NAF1: variants seen among roughly 807,000 people sequenced by gnomAD.
The protein encoded by NAF1 is H/ACA ribonucleoprotein complex non-core subunit NAF1.
Under a neutral mutation model 40.6 loss-of-function variants are expected in NAF1, and 11 were observed. That is an observed-to-expected ratio of 0.27 (90% CI 0.17 to 0.45). The LOEUF (loss-of-function observed/expected upper bound fraction) is 0.45, where lower values mean the gene tolerates loss of function less well. Ranked by LOEUF, NAF1 falls within the 20% of genes least tolerant of loss-of-function variation. The probability of loss-of-function intolerance (pLI) is 1.00; values close to 1 mark genes in which losing one functional copy is unlikely to be tolerated. For synonymous variants in NAF1, 260 were observed against 228.5 expected, an observed-to-expected ratio of 1.14 and a Z score of -1.24; for missense variants, 607 against 611.1, an observed-to-expected ratio of 0.99 and a Z score of 0.07.
intron 3 of NAF1, among the ~76,000 whole-genome samples, chr4:163,147,408 G>C (rs1478451111): frequency 1.3e-5 from 2 of 152,132 alleles, no homozygotes; most frequent in African/African-American, 4.8e-5. Flanking sequence ...TACTTTGTCA[G>C]TGCTGAGTTC....
chr4:163,166,174 C>G (rs1346165559), intron 1 of NAF1, among the ~76,000 whole-genome samples, 189 bp downstream of exon 1: 3 of 152,196 alleles, frequency 2.0e-5, no homozygotes, highest in African/African-American at 7.2e-5. Context: ...ATTCACAACG[C>G]GACCTGCTTT....
intron 7 of NAF1, among the ~76,000 whole-genome samples, chr4:163,131,501 T>C (rs1730872579): frequency 6.6e-6 from 1 of 152,206 alleles, no homozygotes; most frequent in Non-Finnish European, 1.5e-5. Flanking sequence ...AGAATACCGA[T>C]TATAATTTTG....
intron 6 of NAF1, chr4:163,135,266 T>A (rs993899535): frequency 2.6e-5 from 4 of 152,186 alleles, no homozygotes; most frequent in Non-Finnish European, 5.9e-5. Context: ...TAATCTATGA[T>A]CAATACCAGG....
Position 163,130,491 on chromosome 4 carries a change from C to T in NAF1, c.1034-1143G>A, listed in dbSNP as rs569207401. On this transcript the variant is annotated intron_variant, in intron 7 of 7. Coordinates refer to ENST00000274054, the MANE Select transcript of NAF1 (RefSeq NM_138386.3). ...GAAGGAGAAGAACAAAGCTGGAGGA[C>T]GGAAACTACCCAACTTCAAGACGTA... Among the ~76,000 whole-genome samples, 4 of 152,204 alleles carry T rather than the reference C, an allele frequency of 2.6e-5. No individual in the cohort carries two copies. The South Asian group carries it at 8.3e-4, about 32-fold the overall frequency.
chr4:163,131,021 C>A (rs1030178341), intron 7 of NAF1, among the ~76,000 whole-genome samples: 6 of 152,102 alleles, frequency 3.9e-5, no homozygotes, highest in African/African-American at 1.4e-4. Flanking sequence ...AGTAGGAATG[C>A]GCCACCATGC....
In NAF1 at chr4:163,140,351, T is replaced by A. The variant is rs561225500; in HGVS notation, c.750A>T (p.Pro250=). 1 of 1,607,522 alleles carries A rather than the reference T, an allele frequency of 6.2e-7. No homozygotes were observed. The highest frequency in any genetic ancestry group is 8.5e-7 in the Non-Finnish European group (1 of 1,177,908). The change falls in exon 5 of 8, where the codon CCA becomes CCT. Residue 250 remains proline (P), a synonymous_variant. Transcript: ENST00000274054. ...AAGAATTAAACCGTAACACATAAAA[T>A]GGATGTGCAACAGGTCCAAATATCT... is the stretch of plus-strand genomic sequence containing the variant. ...IFEIFGPVAH[P]FYVLRFNSSD... is the part of the protein sequence containing the mutation.
At chr4:163,123,721 A>T (rs765421013), downstream of NAF1, among the ~76,000 whole-genome samples, 5 of 152,194 alleles carry the variant, frequency 3.3e-5, no homozygotes, top group African/African-American at 4.8e-5. Context: ...ATATTAGCTT[A>T]GGCAATGATT....
At chr4:163,107,732 TTTC>T (rs1381743795), downstream of NAF1, among the ~76,000 whole-genome samples, 2 of 152,162 alleles carry the variant, frequency 1.3e-5, no homozygotes, top group African/African-American at 2.4e-5. Context: ...TACAATAGTG[TTTC>T]TTAAGCTTTT....
chr4:163,127,010 G>C (rs1381292307), downstream of NAF1: 2 of 1,551,422 alleles, frequency 1.3e-6, no homozygotes, highest in Non-Finnish European at 1.7e-6. Flanking sequence ...AAAGTAGCAT[G>C]TAAACGTAAC....
intron 1 of NAF1, 142 bp downstream of exon 1, chr4:163,166,221 T>C: frequency 1.8e-6 from 2 of 1,082,214 alleles, no homozygotes; most frequent in Non-Finnish European, 2.6e-6. Context: ...GAGCCAATAC[T>C]TCAACACGTG....
At chr4:163,153,292 C>T (rs1035005065) in intron 2 of NAF1, among the ~76,000 whole-genome samples, 15 of 152,226 alleles carry the variant, frequency 9.9e-5, no homozygotes, top group Non-Finnish European at 7.3e-5. Flanking sequence ...GCGGGATCCA[C>T]TGGGTGAAGC....
intron 2 of NAF1, among the ~76,000 whole-genome samples, chr4:163,154,890 C>CA (rs5863601): frequency 0.42 from 58,688 of 141,046 alleles, 12,605 homozygotes; most frequent in East Asian, 0.69. Flanking sequence ...AAAACAAAAA[C>CA]AAAAAAAAAA....
chr4:163,134,902 G>C (rs1730997485), intron 6 of NAF1: 1 of 152,140 alleles, frequency 6.6e-6, no homozygotes, highest in Non-Finnish European at 1.5e-5. Context: ...AGAGCAGGAG[G>C]GAGGAAGTAA....
intron 2 of NAF1, among the ~76,000 whole-genome samples, chr4:163,148,696 C>T (rs1158784905): frequency 6.6e-6 from 1 of 152,178 alleles, no homozygotes; most frequent in Non-Finnish European, 1.5e-5. Flanking sequence ...AAGTACTATT[C>T]TACATTCTTT....
chr4:163,140,827 C>T (rs1285113775), intron 4 of NAF1, among the ~76,000 whole-genome samples: 1 of 152,180 alleles, frequency 6.6e-6, no homozygotes, highest in African/African-American at 2.4e-5. Flanking sequence ...GGAGTTAAAT[C>T]ACTTTTGCTG....
intron 4 of NAF1, among the ~76,000 whole-genome samples, 199 bp from the exon 5 acceptor site, chr4:163,140,582 G>T: frequency 6.6e-6 from 1 of 152,022 alleles, no homozygotes; most frequent in Non-Finnish European, 1.5e-5. Context: ...AAATGCACTC[G>T]CTCATTCCAG....
intron 1 of NAF1, among the ~76,000 whole-genome samples, chr4:163,166,159 C>CTCAGATTCACAACGCGACCTGG (rs1732451775): frequency 6.6e-6 from 1 of 152,168 alleles, no homozygotes; most frequent in Non-Finnish European, 1.5e-5. Context: ...CAGTACTAAG[C>CTCAGATTCACAACGCGACCTGG]TCAGATTCAC....
chr4:163,140,408 T>C (rs1360334967), intron 4 of NAF1, 25 bp from the exon 5 acceptor site: 1 of 1,560,908 alleles, frequency 6.4e-7, no homozygotes, highest in South Asian at 1.2e-5. Flanking sequence ...TAAAGGCCTC[T>C]TTTAACATGT....
chr4:163,163,006 T>C (rs1327730898), intron 2 of NAF1, among the ~76,000 whole-genome samples: 6 of 152,226 alleles, frequency 3.9e-5, no homozygotes, highest in Admixed American at 3.3e-4. Flanking sequence ...ATTGCAAATC[T>C]AGTAAGACAA....
Sources: allele counts gnomAD v4.1 joint callset (sites outside exome capture counted in the v4.1 genomes callset), GRCh38; gene constraint gnomAD v4.1.1; transcripts MANE v1.5; gene names NCBI Gene and HGNC (gene_info 2026-07-23, HGNC 2026-07-21).